GPC5: variants seen among roughly 807,000 people sequenced by gnomAD.
GPC5 encodes the protein glypican-5.
GPC5 carries 47 observed loss-of-function variants against 53.9 expected under a neutral mutation model. That is an observed-to-expected ratio of 0.87 (90% CI 0.69 to 1.11). The LOEUF is 1.11. Among genes scored for constraint, GPC5 ranks in the 50% most tolerant of loss-of-function variants. The pLI is 0.00. For synonymous variants in GPC5, 286 were observed against 263.3 expected (o/e 1.09, Z -0.84); for missense variants, 748 against 713.1 (o/e 1.05, Z -0.56).
chr13:91,956,182 C>A (rs1408260387), intron 6 of GPC5, among the ~76,000 whole-genome samples: 1 of 151,874 alleles, frequency 6.6e-6, no homozygotes, highest in Non-Finnish European at 1.5e-5. Context: ...CACCCCAATA[C>A]TCAAGCATGC....
chr13:92,004,458 T>TATATATATATATATATATA (rs1555303834), intron 6 of GPC5, among the ~76,000 whole-genome samples: 3 of 82,526 alleles, frequency 3.6e-5, no homozygotes, highest in Non-Finnish European at 2.2e-5. Flanking sequence ...AAAAAAAAAA[T>TATATATATATATATATATA]TATATATATA....
intron 7 of GPC5, among the ~76,000 whole-genome samples, chr13:92,728,419 C>T (rs1365415446): frequency 6.6e-6 from 1 of 151,116 alleles, no homozygotes; most frequent in Admixed American, 6.6e-5. Context: ...TTGTGGATTC[C>T]CCATGATTCA....
At chr13:91,514,629 G>T (rs1378133680) in intron 2 of GPC5, among the ~76,000 whole-genome samples, 1 of 152,080 alleles carries the variant, frequency 6.6e-6, no homozygotes, top group African/African-American at 2.4e-5. Flanking sequence ...AAAAGTAACT[G>T]AGATTTTATC....
At chr13:92,631,233 TG>T (rs1885225218) in intron 7 of GPC5, among the ~76,000 whole-genome samples, 1 of 152,108 alleles carries the variant, frequency 6.6e-6, no homozygotes, top group African/African-American at 2.4e-5. Flanking sequence ...GAAAGAAAAT[TG>T]TCACTTTTGA....
At chr13:92,546,886 T>C (rs1362284265) in intron 7 of GPC5, among the ~76,000 whole-genome samples, 2 of 152,090 alleles carry the variant, frequency 1.3e-5, no homozygotes, top group Non-Finnish European at 1.5e-5. Context: ...TATCTGATCT[T>C]TCACAAACCT....
At chr13:92,008,789 T>C (rs2040633863) in intron 6 of GPC5, among the ~76,000 whole-genome samples, 1 of 152,192 alleles carries the variant, frequency 6.6e-6, no homozygotes, top group Non-Finnish European at 1.5e-5. Flanking sequence ...CCTTTAAAAA[T>C]TACAGTTTCA....
At chr13:91,712,689 T>A (rs779535874) in intron 3 of GPC5, among the ~76,000 whole-genome samples, 14 of 152,130 alleles carry the variant, frequency 9.2e-5, no homozygotes, top group Non-Finnish European at 1.5e-4. Flanking sequence ...GACTTTGCTA[T>A]TGGCTTTTTC....
At chr13:92,744,503 GA>G (rs557799592) in intron 7 of GPC5, among the ~76,000 whole-genome samples, 1,631 of 135,786 alleles carry the variant, frequency 0.012, 26 homozygotes, top group African/African-American at 0.039. Context: ...GACTATACAG[GA>G]AAAAAAAAAA....
At chr13:92,291,022 T>G (rs1235682400) in intron 7 of GPC5, among the ~76,000 whole-genome samples, 1 of 152,118 alleles carries the variant, frequency 6.6e-6, no homozygotes, top group Non-Finnish European at 1.5e-5. Context: ...GTGAGGGGTT[T>G]AGCACCTGGG....
chr13:91,813,908 T>C (rs547114906), intron 5 of GPC5, among the ~76,000 whole-genome samples: 1 of 150,554 alleles, frequency 6.6e-6, no homozygotes, highest in South Asian at 2.1e-4. Context: ...GACTGTTGGA[T>C]TATCTTAACT....
At chr13:91,423,575 G>C (rs184572305) in intron 1 of GPC5, among the ~76,000 whole-genome samples, 1 of 152,122 alleles carries the variant, frequency 6.6e-6, no homozygotes, top group Non-Finnish European at 1.5e-5. Context: ...CCAGTAGAGG[G>C]GGGGTGTGGG....
chr13:91,437,995 G>A (rs1209477483), intron 1 of GPC5, among the ~76,000 whole-genome samples: 1 of 152,106 alleles, frequency 6.6e-6, no homozygotes, highest in Non-Finnish European at 1.5e-5. Flanking sequence ...TAGTTCTCGT[G>A]CCTTGGTTTT....
chr13:92,290,085 G>A (rs968587698), intron 7 of GPC5, among the ~76,000 whole-genome samples: 15 of 152,008 alleles, frequency 9.9e-5, no homozygotes, highest in African/African-American at 3.1e-4. Flanking sequence ...GGCAATTATG[G>A]GATTTGTGTC....
intron 5 of GPC5, among the ~76,000 whole-genome samples, chr13:91,861,773 T>G (rs994606217): frequency 9.5e-6 from 1 of 104,744 alleles, no homozygotes; most frequent in Non-Finnish European, 2.2e-5. Context: ...TCTCTTATTT[T>G]TGTTTAATTG....
intron 4 of GPC5, among the ~76,000 whole-genome samples, chr13:91,732,327 G>A (rs923455662): frequency 4.7e-5 from 7 of 149,764 alleles, no homozygotes; most frequent in Non-Finnish European, 1.0e-4. Context: ...CTGCATAAAT[G>A]TCTTCTCTTG....
chr13:92,500,659 G>C (rs1049010558), intron 7 of GPC5, among the ~76,000 whole-genome samples: 4 of 152,138 alleles, frequency 2.6e-5, no homozygotes, highest in African/African-American at 9.7e-5. Context: ...CCTACAGGTA[G>C]CAGTAGTAGC....
intron 7 of GPC5, among the ~76,000 whole-genome samples, chr13:92,146,868 C>T (rs1360560307): frequency 6.6e-6 from 1 of 151,838 alleles, no homozygotes; most frequent in Non-Finnish European, 1.5e-5. Flanking sequence ...AATAGTATTC[C>T]ATGATATATA....
chr13:91,817,682 G>A (rs1473320397), intron 5 of GPC5, among the ~76,000 whole-genome samples: 1 of 152,074 alleles, frequency 6.6e-6, no homozygotes, highest in Non-Finnish European at 1.5e-5. Flanking sequence ...AGTTGAAAAA[G>A]GGTCAAGATG....
At position 91,562,765 on chromosome 13, in the gene GPC5, G is replaced by A. The variant is rs188681617; in HGVS notation, c.325+113843G>A. On this transcript the variant is annotated intron_variant, in intron 2 of 7. Transcript: ENST00000377067. Reference sequence around the variant, plus strand: ...ATCTTGCTAGTTCTTAAGGAAATAAGATTACTGAAAAAGTAAGCAGTTTGT... The same window carrying A: ...ATCTTGCTAGTTCTTAAGGAAATAAAATTACTGAAAAAGTAAGCAGTTTGT... Among the ~76,000 whole-genome samples the A allele has an allele frequency of 5.7e-4, 87 of 151,892 alleles. 1 individual carries two copies. The highest frequency in any genetic ancestry group is 2.0e-3 in the African/African-American group (83 of 41,480).
Sources: gnomAD v4.1 joint callset for allele counts (sites outside exome capture counted in the v4.1 genomes callset) on GRCh38, gnomAD v4.1.1 for gene constraint, MANE v1.5 for transcripts, NCBI Gene and HGNC (gene_info 2026-07-23, HGNC 2026-07-21) for gene names.